Variants in LBX2 observed in about 807,000 individuals in gnomAD.
LBX2 encodes the protein transcription factor LBX2.
Under a neutral mutation model 7.5 loss-of-function variants are expected in LBX2, and 6 were observed. The ratio of observed to expected loss-of-function variants is 0.80; its 90% CI spans 0.44 to 1.59. The LOEUF (loss-of-function observed/expected upper bound fraction) is 1.59, where lower values mean the gene tolerates loss of function less well. LBX2 is among the 40% of genes most tolerant of loss of function. LBX2 has a pLI of 0.01. For missense variants in LBX2, 281 were observed against 282.0 expected (o/e 1.00, Z 0.03); for synonymous variants, 143 against 133.2 (o/e 1.07, Z -0.51).
At position 74,499,298 on chromosome 2, in the gene LBX2, C is replaced by A; in HGVS notation, c.205+35G>T. 1.2e-5 allele frequency: 18 copies of A among 1,525,936 alleles called. No homozygotes were observed. Among genetic ancestry groups the A allele is most frequent in the Non-Finnish European group, 1.6e-5 (18 of 1,124,796 alleles). 94.5% of individuals were successfully genotyped at this position (1,525,936 alleles called of 1,614,324 possible). On this transcript the variant is annotated intron_variant, in intron 1 of 1. Coordinates refer to ENST00000377566, the MANE Select transcript of LBX2 (RefSeq NM_001282430.2). This position sits in a 1 kb window ranked among gnomAD's most constrained non-coding sequence, Gnocchi z 4.6. ...CAGGAGGAGAGAGGTGAGGAAAAGG[C>A]TAAGTCAGAGTCCGCGACCTTGCCG... is the stretch of plus-strand genomic sequence containing the variant.
At position 74,499,208 on chromosome 2, in the gene LBX2, G is replaced by T; in HGVS notation, c.205+125C>A. On this transcript the variant is annotated intron_variant, in intron 1 of 1. Coordinates refer to ENST00000377566, the MANE Select transcript of LBX2 (RefSeq NM_001282430.2). The surrounding 1 kb of genome is among the most constrained non-coding windows in gnomAD (Gnocchi z 4.6). ...TCGCAGGTGCGAGTCCTGGCACGTGGGCTGAGGACAGGGGAGGATTAGGGT... is the reference window on the plus strand; with the variant it reads ...TCGCAGGTGCGAGTCCTGGCACGTGTGCTGAGGACAGGGGAGGATTAGGGT... The T allele has an allele frequency of 1.2e-6, 1 of 830,674 alleles. No homozygotes were observed. The highest frequency in any genetic ancestry group is 1.9e-6 in the Non-Finnish European group (1 of 518,318). 51.5% of individuals were successfully genotyped at this position (830,674 alleles called of 1,614,324 possible).
upstream of LBX2, among the ~76,000 whole-genome samples, chr2:74,500,981 C>T (rs181043352): frequency 1.3e-3 from 193 of 152,278 alleles, 1 homozygote; most frequent in African/African-American, 4.4e-3. Context: ...CTGTCTATTC[C>T]CTGGGGCAAC....
In LBX2 at chr2:74,497,796, G is replaced by A. The variant is rs909376992; in HGVS notation, c.*131C>T. On this transcript the variant is annotated 3_prime_UTR_variant, in exon 2 of 2. Coordinates refer to ENST00000377566, the MANE Select transcript of LBX2 (RefSeq NM_001282430.2). Reference sequence around the variant, plus strand: ...AACTTACAAAAAAACCGGGAAAGGTGAGCGTCTGGACTGTGGGCCGGAAGA... The same window carrying A: ...AACTTACAAAAAAACCGGGAAAGGTAAGCGTCTGGACTGTGGGCCGGAAGA... 2.6e-5 allele frequency: 25 copies of A among 971,056 alleles called. No homozygotes were observed. The highest frequency in any genetic ancestry group is 3.7e-5 in the Non-Finnish European group (25 of 682,126). 60.2% of individuals were successfully genotyped at this position (971,056 alleles called of 1,614,324 possible).
chr2:74,499,855 C>A, upstream of LBX2: 2 of 382,286 alleles, frequency 5.2e-6, no homozygotes, highest in Non-Finnish European at 9.5e-6. The surrounding 1 kb of genome is among the most constrained non-coding windows in gnomAD (Gnocchi z 4.6). Flanking sequence ...CACAGTCAGG[C>A]CGGGCCATAC....
chr2:74,502,272 T>C (rs960799258), upstream of LBX2: 1 of 224,938 alleles, frequency 4.4e-6, no homozygotes, highest in African/African-American at 2.3e-5. This position sits in a 1 kb window ranked among gnomAD's most constrained non-coding sequence, Gnocchi z 5.4. Context: ...ACACACCCCA[T>C]CGGCGGGTTC....
At chr2:74,502,727 T>C, upstream of LBX2, 2 of 1,614,074 alleles carry the variant, frequency 1.2e-6, no homozygotes, top group South Asian at 1.1e-5. The surrounding 1 kb of genome is among the most constrained non-coding windows in gnomAD (Gnocchi z 5.4). Context: ...CAAAGATCTC[T>C]GCGCGCCCAC....
In LBX2 at chr2:74,497,967, C is replaced by G; in HGVS notation, c.557G>C (p.Arg186Pro). ...TATCTCCTCGTCTGACAGGTGGGGC[C>G]GGGAGTCAGGGCCGGCAGGGCCGAG... ...LCLGPAGPDS[R>P]PHLSDEEIQV... The change falls in exon 2 of 2, where the codon CGG (arginine) becomes CCG (proline). Residue 186 changes from arginine to proline, a missense_variant. Physicochemically the swap from Arg to Pro is moderately radical, Grantham distance 103 (BLOSUM62 -2). Around this residue, in one of 3 missense-constraint regions of LBX2, gnomAD observed 59 missense variants for 52.9 expected, o/e 1.11. Coordinates refer to ENST00000377566, the MANE Select transcript of LBX2 (RefSeq NM_001282430.2). 6.2e-7 allele frequency: 1 copy of G among 1,601,166 alleles called. No homozygotes were observed. Among genetic ancestry groups the G allele is most frequent in the Middle Eastern group, 1.7e-4 (1 of 5,978 alleles).
chr2:74,502,309 C>G (rs908876338), upstream of LBX2: 1 of 280,238 alleles, frequency 3.6e-6, no homozygotes, highest in African/African-American at 2.2e-5. This position sits in a 1 kb window ranked among gnomAD's most constrained non-coding sequence, Gnocchi z 5.4. Flanking sequence ...CCCCGCTCGA[C>G]CCCGTTCCCC....
chr2:74,502,754 G>A (rs138587545), upstream of LBX2: 6 of 1,614,068 alleles, frequency 3.7e-6, no homozygotes, highest in South Asian at 4.4e-5. This position sits in a 1 kb window ranked among gnomAD's most constrained non-coding sequence, Gnocchi z 5.4. Context: ...CCTCCCGGGC[G>A]TGCGGGCCGG....
upstream of LBX2, chr2:74,499,619 C>T: frequency 1.4e-6 from 2 of 1,429,426 alleles, no homozygotes; most frequent in African/African-American, 2.8e-5. This position sits in a 1 kb window ranked among gnomAD's most constrained non-coding sequence, Gnocchi z 4.6. Flanking sequence ...GCTCCCAATC[C>T]GGGCCCCCAG....
upstream of LBX2, chr2:74,502,802 G>A (rs925540025): frequency 5.6e-6 from 9 of 1,613,840 alleles, no homozygotes; most frequent in Non-Finnish European, 5.9e-6. This position sits in a 1 kb window ranked among gnomAD's most constrained non-coding sequence, Gnocchi z 5.4. Flanking sequence ...CGCCCTCCTC[G>A]ACACTTTTCT....
In LBX2 at chr2:74,497,987, G is replaced by T. The variant is rs1176218014; in HGVS notation, c.537C>A (p.Gly179=). 1 of 1,607,244 alleles carries T rather than the reference G, an allele frequency of 6.2e-7. No homozygotes were observed. The highest frequency in any genetic ancestry group is 8.5e-7 in the Non-Finnish European group (1 of 1,175,076). ...GGGGCCGGGAGTCAGGGCCGGCAGGGCCGAGGCAGAGGCCGGGATCTGGAG... is the reference window on the plus strand; with the variant it reads ...GGGGCCGGGAGTCAGGGCCGGCAGGTCCGAGGCAGAGGCCGGGATCTGGAG... ...EGAPDPGLCL[G]PAGPDSRPHL... The change falls in exon 2 of 2, where the codon GGC becomes GGA. Residue 179 remains glycine (G), a synonymous_variant. Coordinates refer to ENST00000377566, the MANE Select transcript of LBX2 (RefSeq NM_001282430.2).
chr2:74,502,435 C>T, upstream of LBX2: 1 of 573,560 alleles, frequency 1.7e-6, no homozygotes. The surrounding 1 kb of genome is among the most constrained non-coding windows in gnomAD (Gnocchi z 5.4). Context: ...GGAATAACCC[C>T]CTTGGGGAGG....
At chr2:74,499,640 G>T, upstream of LBX2, 2 of 1,273,312 alleles carry the variant, frequency 1.6e-6, no homozygotes, top group Non-Finnish European at 2.1e-6. The surrounding 1 kb of genome is among the most constrained non-coding windows in gnomAD (Gnocchi z 4.6). Context: ...CCTCGGACCC[G>T]CCCCCGGCTC....
At chr2:74,501,278 G>A (rs1027144389), upstream of LBX2, among the ~76,000 whole-genome samples, 2 of 152,140 alleles carry the variant, frequency 1.3e-5, no homozygotes, top group African/African-American at 4.8e-5. Context: ...TAATGGTGAG[G>A]GGCAGGGGAG....
Position 74,497,728 on chromosome 2 carries a change from A to C in LBX2, c.*199T>G, listed in dbSNP as rs1674382528. On this transcript the variant is annotated 3_prime_UTR_variant, in exon 2 of 2. Transcript: ENST00000377566. Reference sequence around the variant, plus strand: ...AGCGGTGATCGCTCCACGGCACTCCAGCCTGGGCGACAGAGCGAGGCCCTG... The same window carrying C: ...AGCGGTGATCGCTCCACGGCACTCCCGCCTGGGCGACAGAGCGAGGCCCTG... 1 of 596,352 alleles carries C rather than the reference A, an allele frequency of 1.7e-6. No individual in the cohort carries two copies. 36.9% of individuals were successfully genotyped at this position (596,352 alleles called of 1,614,324 possible). A position where few individuals can be genotyped will look rare whatever the true frequency, so the allele number is the denominator to read the frequency against.
upstream of LBX2, chr2:74,499,623 C>A (rs1051388335): frequency 1.1e-5 from 16 of 1,399,006 alleles, no homozygotes; most frequent in South Asian, 1.1e-4. The surrounding 1 kb of genome is among the most constrained non-coding windows in gnomAD (Gnocchi z 4.6). Flanking sequence ...CCAATCCGGG[C>A]CCCCAGCCTC....
Position 74,497,710 on chromosome 2 carries a change from A to T in LBX2, c.*217T>A, listed in dbSNP as rs779339513. On this transcript the variant is annotated 3_prime_UTR_variant, in exon 2 of 2. Coordinates refer to ENST00000377566, the MANE Select transcript of LBX2 (RefSeq NM_001282430.2). ...GAGGTCGCGACTGCAGTGAGCGGTG[A>T]TCGCTCCACGGCACTCCAGCCTGGG... is the stretch of plus-strand genomic sequence containing the variant. The T allele has an allele frequency of 1.9e-6, 1 of 514,380 alleles. No homozygotes were observed. Among genetic ancestry groups the T allele is most frequent in the Non-Finnish European group, 3.3e-6 (1 of 302,456 alleles). The allele number at this position is 514,380 out of a possible 1,614,324, so 31.9% of individuals were successfully genotyped here.
chr2:74,502,819 A>G (rs746860776), upstream of LBX2: 1 of 1,613,216 alleles, frequency 6.2e-7, no homozygotes, highest in East Asian at 2.2e-5. The surrounding 1 kb of genome is among the most constrained non-coding windows in gnomAD (Gnocchi z 5.4). Context: ...TTCTCCCCCC[A>G]ACTCCCCAAG....
Sources: gnomAD v4.1 joint callset for allele counts (sites outside exome capture counted in the v4.1 genomes callset) on GRCh38, gnomAD v4.1.1 for gene constraint, gnomAD v4.1.1 regional missense constraint, Gnocchi (gnomAD v3.1) non-coding constraint, MANE v1.5 for transcripts, NCBI Gene and HGNC (gene_info 2026-07-23, HGNC 2026-07-21) for gene names.